CSMD3: variants seen among roughly 807,000 people sequenced by gnomAD.
CSMD3 encodes the protein CUB and sushi domain-containing protein 3.
Under a neutral mutation model 435.2 loss-of-function variants are expected in CSMD3, and 177 were observed. The ratio of observed to expected loss-of-function variants is 0.41; its 90% CI spans 0.36 to 0.46. The LOEUF (loss-of-function observed/expected upper bound fraction) is 0.46. Ranked by LOEUF, CSMD3 falls within the 20% of genes least tolerant of loss-of-function variation. The probability of loss-of-function intolerance (pLI) is 0.34; values close to 1 mark genes in which losing one functional copy is unlikely to be tolerated. For synonymous variants in CSMD3, 1,656 were observed against 1,520.5 expected (o/e 1.09, Z -2.07); for missense variants, 4,265 against 4,504.6 (o/e 0.95, Z 1.52).
intron 1 of CSMD3, among the ~76,000 whole-genome samples, chr8:113,418,167 A>T (rs1362104282): frequency 1.3e-5 from 2 of 152,284 alleles, no homozygotes; most frequent in Non-Finnish European, 2.9e-5. Flanking sequence ...AATATGCATA[A>T]ATTACTTGAA....
intron 30 of CSMD3, among the ~76,000 whole-genome samples, chr8:112,498,458 G>C (rs1320343836): frequency 2.6e-5 from 4 of 152,028 alleles, no homozygotes; most frequent in African/African-American, 7.2e-5. Flanking sequence ...ATGGCAAATA[G>C]GTTTTATCTC....
At chr8:112,865,350 ATTG>A (rs2080947405) in intron 10 of CSMD3, among the ~76,000 whole-genome samples, 1 of 152,072 alleles carries the variant, frequency 6.6e-6, no homozygotes, top group South Asian at 2.1e-4. Flanking sequence ...AGATCTGTCT[ATTG>A]TTGTCTCTCG....
At chr8:112,829,594 A>G (rs2079802172) in intron 12 of CSMD3, 92 bp downstream of exon 12, 1 of 749,392 alleles carries the variant, frequency 1.3e-6, no homozygotes, top group South Asian at 1.4e-5. Context: ...TGCTGGTAGT[A>G]GTGGGAGCGA....
chr8:113,204,642 C>T (rs928753768), intron 3 of CSMD3, among the ~76,000 whole-genome samples: 1 of 152,066 alleles, frequency 6.6e-6, no homozygotes, highest in Non-Finnish European at 1.5e-5. Flanking sequence ...GTCCTACAAG[C>T]TCCATTCATG....
chr8:112,661,297 A>G (rs577495836), intron 17 of CSMD3, among the ~76,000 whole-genome samples: 1 of 152,312 alleles, frequency 6.6e-6, no homozygotes, highest in Non-Finnish European at 1.5e-5. Flanking sequence ...AATTTCAAAT[A>G]TAGGCTATAC....
chr8:112,249,454 C>T lies in CSMD3; in HGVS notation c.10111-2323G>A, dbSNP rs201897892. 4.6e-5 allele frequency among the ~76,000 whole-genome samples: 7 copies of T among 152,012 alleles called. 1 individual carries two copies. The East Asian group carries it at 1.4e-3, about 29-fold the overall frequency. ...ATTTCCAACAAGTTCCCAGGTGAAA[C>T]TGCTGCTGCCGGTTAGGCGCTACAC... On this transcript the variant is annotated intron_variant, in intron 63 of 70. Coordinates refer to ENST00000297405, the MANE Select transcript of CSMD3 (RefSeq NM_198123.2).
chr8:113,231,528 C>A (rs1446715780), intron 3 of CSMD3, among the ~76,000 whole-genome samples: 1 of 151,354 alleles, frequency 6.6e-6, no homozygotes, highest in Non-Finnish European at 1.5e-5. Flanking sequence ...TTGTTGGTTT[C>A]AACCAATGCT....
Position 112,390,804 on chromosome 8 carries a change from T to C in CSMD3, c.5810-16A>G, listed in dbSNP as rs112781389. 6.2e-7 allele frequency: 1 copy of C among 1,612,208 alleles called. No homozygotes were observed. The highest frequency in any genetic ancestry group is 8.5e-7 in the Non-Finnish European group (1 of 1,178,410). The stretch of plus-strand genomic sequence containing the variant: ...CCACAGGGCACTGAAAATAAAGCAG[T>C]CCAAGAGAGGGAGTTAATTCTAATG... On this transcript the variant is annotated splice_polypyrimidine_tract_variant and intron_variant, in intron 35 of 70. Coordinates refer to ENST00000297405, the MANE Select transcript of CSMD3 (RefSeq NM_198123.2).
intron 25 of CSMD3, among the ~76,000 whole-genome samples, chr8:112,553,167 A>G (rs1029709110): frequency 2.0e-5 from 3 of 151,942 alleles, no homozygotes; most frequent in Admixed American, 6.6e-5. Context: ...TTGTCCTTTT[A>G]TTTCCCCTTT....
intron 37 of CSMD3, among the ~76,000 whole-genome samples, chr8:112,381,690 G>T (rs551158295): frequency 8.6e-5 from 13 of 151,978 alleles, no homozygotes; most frequent in Non-Finnish European, 1.8e-4. Flanking sequence ...CTGAAGACAG[G>T]GATAAACAGA....
At chr8:112,857,079 G>T (rs2080682302) in intron 11 of CSMD3, among the ~76,000 whole-genome samples, 1 of 151,494 alleles carries the variant, frequency 6.6e-6, no homozygotes, top group Non-Finnish European at 1.5e-5. Flanking sequence ...TTTTATATGT[G>T]TGAAACTGTG....
chr8:112,235,259 C>G (rs989349763), intron 67 of CSMD3, among the ~76,000 whole-genome samples: 2 of 152,048 alleles, frequency 1.3e-5, no homozygotes, highest in Non-Finnish European at 2.9e-5. Flanking sequence ...TGGCACGCAC[C>G]TGTAGTCCCA....
At chr8:113,380,053 C>T (rs772197957) in intron 1 of CSMD3, among the ~76,000 whole-genome samples, 8 of 152,208 alleles carry the variant, frequency 5.3e-5, no homozygotes, top group Admixed American at 1.3e-4. Flanking sequence ...CAAACTTGCC[C>T]CCATTTGCAT....
At chr8:112,921,020 C>T (rs2082726167) in intron 10 of CSMD3, among the ~76,000 whole-genome samples, 3 of 150,146 alleles carry the variant, frequency 2.0e-5, no homozygotes, top group Non-Finnish European at 4.4e-5. Context: ...CACACACACA[C>T]ACACACACAC....
chr8:112,780,073 T>C (rs1487850621), intron 13 of CSMD3, among the ~76,000 whole-genome samples: 1 of 152,110 alleles, frequency 6.6e-6, no homozygotes, highest in Non-Finnish European at 1.5e-5. Flanking sequence ...TTATTGACAT[T>C]GAGGGGAAAA....
At chr8:113,376,800 C>G (rs771162894) in intron 1 of CSMD3, 7 of 1,613,900 alleles carry the variant, frequency 4.3e-6, no homozygotes, top group Non-Finnish European at 5.9e-6. Flanking sequence ...CCACATTCAA[C>G]CGGGTTGTGC....
rs62521098 is a variant in CSMD3, at chr8:113,325,903, C to G, written c.179-11110G>C. On this transcript the variant is annotated intron_variant, in intron 1 of 70. Coordinates refer to ENST00000297405, the MANE Select transcript of CSMD3 (RefSeq NM_198123.2). ...TCAGGGTAGACTTACAATAAATAAACTCACAGAGTGTGAGATGAAAAACTA... is the reference window on the plus strand; with the variant it reads ...TCAGGGTAGACTTACAATAAATAAAGTCACAGAGTGTGAGATGAAAAACTA... Among the ~76,000 whole-genome samples, 3 of 152,156 alleles carry G rather than the reference C, an allele frequency of 2.0e-5. No homozygotes were observed. The East Asian group carries it at 5.8e-4, about 29-fold the overall frequency.
chr8:112,256,207 A>G (rs1431454934), intron 61 of CSMD3, among the ~76,000 whole-genome samples: 1 of 152,158 alleles, frequency 6.6e-6, no homozygotes, highest in Admixed American at 6.6e-5. Context: ...CTGCTTTTAT[A>G]GGGTTTATGC....
At chr8:112,279,795 A>G (rs1286245271) in intron 59 of CSMD3, among the ~76,000 whole-genome samples, 1 of 152,132 alleles carries the variant, frequency 6.6e-6, no homozygotes, top group African/African-American at 2.4e-5. Flanking sequence ...CCTATCAATA[A>G]CTGGAAAATA....
Sources: allele counts gnomAD v4.1 joint callset (sites outside exome capture counted in the v4.1 genomes callset), GRCh38; gene constraint gnomAD v4.1.1; transcripts MANE v1.5; gene names NCBI Gene and HGNC (gene_info 2026-07-23, HGNC 2026-07-21).